Variants in SLC2A3 observed in about 807,000 individuals in gnomAD.
SLC2A3 encodes the protein solute carrier family 2, facilitated glucose transporter member 3.
In SLC2A3, 21 loss-of-function variants were observed where a neutral mutation model predicts 46.4. The observed-to-expected ratio is 0.45, with a 90% confidence interval of 0.32 to 0.65. The LOEUF (loss-of-function observed/expected upper bound fraction) is 0.65. Ranked by LOEUF, SLC2A3 falls within the 30% of genes least tolerant of loss-of-function variation. The probability of loss-of-function intolerance (pLI) is 0.04; values close to 1 mark genes in which losing one functional copy is unlikely to be tolerated. For missense variants in SLC2A3, 499 were observed against 623.3 expected, an observed-to-expected ratio of 0.80 and a Z score of 2.12; for synonymous variants, 213 against 239.4, an observed-to-expected ratio of 0.89 and a Z score of 1.02.
intron 1 of SLC2A3, among the ~76,000 whole-genome samples, chr12:7,935,327 C>G (rs1946201511): frequency 6.6e-6 from 1 of 152,054 alleles, no homozygotes; most frequent in African/African-American, 2.4e-5. Flanking sequence ...TGGTTCATGC[C>G]TGTAATCTCA....
rs1474809752 is a variant in SLC2A3 at position 7,919,789 on chromosome 12, A to G, written c.*1624T>C. 2 of 152,290 alleles carry G rather than the reference A, an allele frequency of 1.3e-5. No individual in the cohort carries two copies. Among genetic ancestry groups the G allele is most frequent in the South Asian group, 2.1e-4 (1 of 4,830 alleles). 9.4% of individuals were successfully genotyped at this position (152,290 alleles called of 1,614,324 possible). ...ACTAAGAACCAAAATACTGTCACTGACAAGGGTTTGGCTAAAGGGTCTGAG... is the reference window on the plus strand; with the variant it reads ...ACTAAGAACCAAAATACTGTCACTGGCAAGGGTTTGGCTAAAGGGTCTGAG... On this transcript the variant is annotated 3_prime_UTR_variant, in exon 10 of 10. Coordinates refer to ENST00000075120, the MANE Select transcript of SLC2A3 (RefSeq NM_006931.3).
rs1186643233 is a variant in SLC2A3, at chr12:7,925,951, A to G, written c.862-3T>C. 1 of 1,608,818 alleles carries G rather than the reference A, an allele frequency of 6.2e-7. No homozygotes were observed. Among genetic ancestry groups the G allele is most frequent in the African/African-American group, 1.3e-5 (1 of 74,846 alleles). ...ATTCCTGTTGAGTAATAGAACACCT[A>G]GGAGAAAAGAAAACATGCAGCTTTG... On this transcript the variant is annotated splice_region_variant and splice_polypyrimidine_tract_variant and intron_variant, in intron 6 of 9. Transcript: ENST00000075120.
chr12:7,922,745 A>G, intron 9 of SLC2A3, 76 bp downstream of exon 9: 2 of 1,587,228 alleles, frequency 1.3e-6, no homozygotes, highest in Non-Finnish European at 8.6e-7. Flanking sequence ...TGCCAGGCCC[A>G]GACTACTGTA....
At chr12:7,935,988 GC>G in intron 1 of SLC2A3, 31 bp downstream of exon 1, 1 of 1,564,714 alleles carries the variant, frequency 6.4e-7, no homozygotes, top group Non-Finnish European at 8.8e-7. Context: ...TCCCAAACAA[GC>G]AAAAATAACC....
At chr12:7,923,180 ATT>A (rs1419297490) in intron 8 of SLC2A3, 156 bp from the exon 9 acceptor site, 2 of 777,504 alleles carry the variant, frequency 2.6e-6, no homozygotes, top group African/African-American at 1.8e-5. Flanking sequence ...TTTTATTTTT[ATT>A]TTTTGAGACA....
At chr12:7,931,604 A>C in intron 3 of SLC2A3, 119 bp from the exon 4 acceptor site, 1 of 1,436,878 alleles carries the variant, frequency 7.0e-7, no homozygotes, top group Non-Finnish European at 9.4e-7. Context: ...TTTTAATCTA[A>C]CTTTTGTTTT....
At chr12:7,923,623 A>AT (rs397955646) in intron 8 of SLC2A3, among the ~76,000 whole-genome samples, 24 of 151,452 alleles carry the variant, frequency 1.6e-4, no homozygotes, top group Non-Finnish European at 2.8e-4. Context: ...CAAAAAAAAA[A>AT]TTTTTTTTTG....
At position 7,930,447 on chromosome 12, in the gene SLC2A3, T is replaced by C. The variant is rs749461141; in HGVS notation, c.673+33A>G. On this transcript the variant is annotated intron_variant, in intron 5 of 9. Coordinates refer to ENST00000075120, the MANE Select transcript of SLC2A3 (RefSeq NM_006931.3). ...ATCCCTAAAACAAACCACAACCATA[T>C]AATTCATGTAGTAAGGTGTGAAGGA... The C allele has an allele frequency of 5.0e-6, 8 of 1,595,028 alleles. No individual in the cohort carries two copies. The Admixed American group carries it at 1.2e-4, about 24-fold the overall frequency.
intron 4 of SLC2A3, among the ~76,000 whole-genome samples, chr12:7,930,967 T>G (rs1946147712): frequency 6.6e-6 from 1 of 151,840 alleles, no homozygotes; most frequent in African/African-American, 2.4e-5. Context: ...CGACCAATTT[T>G]TTGTGTTTTT....
rs185764638 is a variant in SLC2A3, at chr12:7,935,877, G to C, written c.15+143C>G. 100 of 749,256 alleles carry C rather than the reference G, an allele frequency of 1.3e-4. 2 individuals carry two copies. Among genetic ancestry groups the C allele is most frequent in the Admixed American group, 2.3e-4 (12 of 52,768 alleles). The allele number at this position is 749,256 out of a possible 1,614,324, so 46.4% of individuals were successfully genotyped here. Reference sequence around the variant, plus strand: ...AAAGAGAACTGATGAAGCGGCAGCAGTGCAGGCTAGAGACGAAATGAAAAG... The same window carrying C: ...AAAGAGAACTGATGAAGCGGCAGCACTGCAGGCTAGAGACGAAATGAAAAG... On this transcript the variant is annotated intron_variant, in intron 1 of 9. Transcript: ENST00000075120.
intron 6 of SLC2A3, among the ~76,000 whole-genome samples, chr12:7,927,048 A>C (rs950088002): frequency 1.3e-5 from 2 of 152,110 alleles, no homozygotes; most frequent in African/African-American, 4.8e-5. Flanking sequence ...AGCAATATTT[A>C]TTAGTCTTTT....
chr12:7,923,173 TA>T, intron 8 of SLC2A3, 149 bp from the exon 9 acceptor site: 1 of 814,306 alleles, frequency 1.2e-6, no homozygotes, highest in Non-Finnish European at 1.9e-6. Flanking sequence ...GATTTATTTT[TA>T]TTTTTATTTT....
Position 7,932,976 on chromosome 12 carries a change from C to T in SLC2A3, c.269+11G>A. Reference sequence around the variant, plus strand: ...TAGAGCCCACTTCCTTGCCCAGTTTCTAGTCAATACCTGCCAAAGCGGTTG... The same window carrying T: ...TAGAGCCCACTTCCTTGCCCAGTTTTTAGTCAATACCTGCCAAAGCGGTTG... On this transcript the variant is annotated intron_variant, in intron 3 of 9. Coordinates refer to ENST00000075120, the MANE Select transcript of SLC2A3 (RefSeq NM_006931.3). 1.9e-6 allele frequency: 3 copies of T among 1,613,802 alleles called. No individual in the cohort carries two copies. The highest frequency in any genetic ancestry group is 2.5e-6 in the Non-Finnish European group (3 of 1,179,898).
intron 6 of SLC2A3, among the ~76,000 whole-genome samples, chr12:7,927,195 G>C (rs1223612379): frequency 6.6e-6 from 1 of 152,056 alleles, no homozygotes; most frequent in Non-Finnish European, 1.5e-5. Context: ...GAGATTTGTA[G>C]AGTCATTATT....
Position 7,921,585 on chromosome 12 carries a change from A to G in SLC2A3, c.1319T>C (p.Ile440Thr). ...YVFIIFTGFLITFLAFTFFKV... is the reference protein window; with the variant it reads ...YVFIIFTGFLTTFLAFTFFKV... ...GAAGAAGGTAAAAGCCAAGAAGGTA[A>G]TGAGGAAGCCGGTGAAGATAATAAA... The change falls in exon 10 of 10, where the codon ATT (isoleucine) becomes ACT (threonine). Residue 440 changes from isoleucine to threonine, a missense_variant. Physicochemically the swap from Ile to Thr is moderately conservative, Grantham distance 89. Transcript: ENST00000075120. 1 of 1,613,962 alleles carries G rather than the reference A, an allele frequency of 6.2e-7. No homozygotes were observed. The highest frequency in any genetic ancestry group is 8.5e-7 in the Non-Finnish European group (1 of 1,179,846).
rs1946015045 is a variant in SLC2A3, at chr12:7,919,573, C to G, written c.*1840G>C. 6.6e-6 allele frequency: 1 copy of G among 152,382 alleles called. No individual in the cohort carries two copies. The highest frequency in any genetic ancestry group is 6.5e-5 in the Admixed American group (1 of 15,274). The allele number at this position is 152,382 out of a possible 1,614,324, so 9.4% of individuals were successfully genotyped here. ...AGTAGCTGGGATTACAGGCGCCCGCCACCACGCCCGGCTAATTTTTGCATT... is the reference window on the plus strand; with the variant it reads ...AGTAGCTGGGATTACAGGCGCCCGCGACCACGCCCGGCTAATTTTTGCATT... On this transcript the variant is annotated 3_prime_UTR_variant, in exon 10 of 10. Transcript: ENST00000075120.
chr12:7,923,218 G>C (rs766330775), intron 8 of SLC2A3, 194 bp from the exon 9 acceptor site: 2 of 590,696 alleles, frequency 3.4e-6, no homozygotes, highest in South Asian at 4.5e-5. Flanking sequence ...GCCCATGCTG[G>C]AGGGCAGTGG....
intron 3 of SLC2A3, among the ~76,000 whole-genome samples, chr12:7,932,277 A>C (rs956243701): frequency 6.6e-6 from 1 of 151,374 alleles, no homozygotes; most frequent in Non-Finnish European, 1.5e-5. Context: ...CTGCAGGTTC[A>C]AGTGATTTTC....
At position 7,932,990 on chromosome 12, in the gene SLC2A3, C is replaced by A. The variant is rs758117298; in HGVS notation, c.266G>T (p.Gly89Val). Residue 89 changes from glycine to valine, a missense_variant, in exon 3 of 10, where the codon GGC becomes GTC. Coordinates refer to ENST00000075120, the MANE Select transcript of SLC2A3 (RefSeq NM_006931.3). ...FSVGLFVNRF[G>V]RRNSMLIVNL... The stretch of plus-strand genomic sequence containing the variant: ...TTGCCCAGTTTCTAGTCAATACCTG[C>A]CAAAGCGGTTGACGAAGAGTCCGAC... The A allele has an allele frequency of 6.2e-7, 1 of 1,614,040 alleles. No homozygotes were observed. The highest frequency in any genetic ancestry group is 1.1e-5 in the South Asian group (1 of 91,074).
Sources: gnomAD v4.1 joint callset for allele counts (sites outside exome capture counted in the v4.1 genomes callset) on GRCh38, gnomAD v4.1.1 for gene constraint, MANE v1.5 for transcripts, NCBI Gene and HGNC (gene_info 2026-07-23, HGNC 2026-07-21) for gene names.